Variants in AZIN2 observed in about 807,000 individuals in gnomAD.
AZIN2 encodes antizyme inhibitor 2.
AZIN2 carries 28 observed loss-of-function variants against 47.8 expected under a neutral mutation model. That is an observed-to-expected ratio of 0.59 (90% CI 0.43 to 0.80). The LOEUF (loss-of-function observed/expected upper bound fraction) is 0.80. Ranked by LOEUF, AZIN2 falls within the 30% of genes least tolerant of loss-of-function variation. The pLI, the probability that AZIN2 is intolerant of heterozygous loss-of-function variation, is 0.00. For missense variants in AZIN2, 535 were observed against 582.5 expected (o/e 0.92, Z 0.84); for synonymous variants, 221 against 239.4 (o/e 0.92, Z 0.71).
chr1:33,090,976 C>T (rs1642485767), intron 5 of AZIN2, among the ~76,000 whole-genome samples: 1 of 152,206 alleles, frequency 6.6e-6, no homozygotes, highest in Non-Finnish European at 1.5e-5. Flanking sequence ...GCTTATTTCA[C>T]TTAACATGAT....
At chr1:33,112,006 C>T (rs760319833) in intron 10 of AZIN2, among the ~76,000 whole-genome samples, 16 of 152,118 alleles carry the variant, frequency 1.1e-4, no homozygotes, top group Non-Finnish European at 2.2e-4. Context: ...CCGGGCAATT[C>T]ACAGAAGATA....
At chr1:33,127,699 G>A (rs966345789), downstream of AZIN2, among the ~76,000 whole-genome samples, 6 of 152,234 alleles carry the variant, frequency 3.9e-5, no homozygotes, top group East Asian at 1.2e-3. Context: ...ACTTGTCTCC[G>A]ATGTCCTTCT....
chr1:33,165,391 C>A, the AZIN2 span: 1 of 1,348,258 alleles, frequency 7.4e-7, no homozygotes. This position sits in a 1 kb window ranked among gnomAD's most constrained non-coding sequence, Gnocchi z 4.0. Context: ...GGCCCCGCCC[C>A]TCTTCCCCAG....
At chr1:33,109,296 G>A (rs1644170625) in intron 10 of AZIN2, among the ~76,000 whole-genome samples, 1 of 149,916 alleles carries the variant, frequency 6.7e-6, no homozygotes, top group Non-Finnish European at 1.5e-5. Context: ...CTCCCAGTCT[G>A]TGGCTTGTCT....
the AZIN2 span, among the ~76,000 whole-genome samples, chr1:33,158,008 G>A: frequency 2.0e-5 from 3 of 152,140 alleles, no homozygotes; most frequent in Non-Finnish European, 2.9e-5. Context: ...ACCCACCTCA[G>A]CCTCCCAAAG....
At chr1:33,085,574 G>T (rs2124468596) in intron 5 of AZIN2, among the ~76,000 whole-genome samples, 1 of 152,288 alleles carries the variant, frequency 6.6e-6, no homozygotes, top group Middle Eastern at 3.4e-3. Flanking sequence ...TGGATGTTGT[G>T]AGGAGAGTTC....
intron 5 of AZIN2, among the ~76,000 whole-genome samples, chr1:33,086,973 G>A (rs1641975986): frequency 6.6e-6 from 1 of 152,092 alleles, no homozygotes; most frequent in Non-Finnish European, 1.5e-5. Flanking sequence ...CATCCCCAGT[G>A]AGCACTTACC....
chr1:33,085,342 C>T (rs1641771154), intron 5 of AZIN2, among the ~76,000 whole-genome samples: 1 of 151,894 alleles, frequency 6.6e-6, no homozygotes, highest in Admixed American at 6.6e-5. Flanking sequence ...GAGGATTGTA[C>T]TTTTAGATAG....
intron 11 of AZIN2, 27 bp downstream of exon 11, chr1:33,118,143 G>A: frequency 6.7e-7 from 1 of 1,502,848 alleles, no homozygotes; most frequent in Non-Finnish European, 8.9e-7. Context: ...GGAAAATGGG[G>A]GTATGGGGAG....
intron 5 of AZIN2, among the ~76,000 whole-genome samples, chr1:33,087,340 T>A (rs1642029953): frequency 6.6e-6 from 1 of 150,656 alleles, no homozygotes; most frequent in African/African-American, 2.4e-5. Flanking sequence ...TCCATGTTGG[T>A]CAGGCTGGTC....
At chr1:33,165,646 G>C in the AZIN2 span, 1 of 1,287,294 alleles carries the variant, frequency 7.8e-7, no homozygotes, top group Non-Finnish European at 1.1e-6. This position sits in a 1 kb window ranked among gnomAD's most constrained non-coding sequence, Gnocchi z 4.0. Flanking sequence ...GCCAGGCGCT[G>C]GGGGTTAGCC....
At chr1:33,145,705 A>G in the AZIN2 span, 2 of 359,758 alleles carry the variant, frequency 5.6e-6, no homozygotes, top group South Asian at 2.1e-5. Context: ...TCAGTCTTGC[A>G]GCCCACTCCT....
At chr1:33,151,843 A>G in the AZIN2 span, among the ~76,000 whole-genome samples, 1 of 152,240 alleles carries the variant, frequency 6.6e-6, no homozygotes, top group Non-Finnish European at 1.5e-5. Flanking sequence ...CTGCCCAAGC[A>G]GCGGAGAAAG....
At chr1:33,089,453 T>TA (rs887399562) in intron 5 of AZIN2, among the ~76,000 whole-genome samples, 4 of 151,532 alleles carry the variant, frequency 2.6e-5, no homozygotes, top group Non-Finnish European at 4.4e-5. Context: ...TATATATATT[T>TA]AAAAAAAAAT....
intron 3 of AZIN2, 58 bp from the exon 4 acceptor site, chr1:33,082,120 G>C: frequency 1.3e-6 from 1 of 754,662 alleles, no homozygotes; most frequent in Admixed American, 2.1e-5. Flanking sequence ...CTCGGGAGGC[G>C]AGTGGGGCAG....
rs527645962 is a variant in AZIN2, at chr1:33,101,113, C to T, written c.1029+2934C>T. On this transcript the variant is annotated intron_variant, in intron 10 of 11. Coordinates refer to ENST00000294517, the MANE Select transcript of AZIN2 (RefSeq NM_052998.4). ...CTGACCTCAAGTGATCCATCTGGCTCGGCCTCCCAAAGTGCTGGGATTACA... is the reference window on the plus strand; with the variant it reads ...CTGACCTCAAGTGATCCATCTGGCTTGGCCTCCCAAAGTGCTGGGATTACA... Among the ~76,000 whole-genome samples the T allele has an allele frequency of 2.0e-4, 31 of 152,304 alleles. No homozygotes were observed. The East Asian group carries it at 5.0e-3, about 25-fold the overall frequency.
intron 4 of AZIN2, 30 bp downstream of exon 4, chr1:33,082,384 C>T (rs1322539757): frequency 1.9e-6 from 3 of 1,566,554 alleles, no homozygotes; most frequent in East Asian, 2.3e-5. Context: ...GGTGGGTCCC[C>T]GGTCCCCTGT....
At chr1:33,157,221 G>A in the AZIN2 span, among the ~76,000 whole-genome samples, 1 of 151,980 alleles carries the variant, frequency 6.6e-6, no homozygotes, top group Non-Finnish European at 1.5e-5. Flanking sequence ...TCTTCACCTT[G>A]ACCCTCCTTC....
At chr1:33,155,701 C>A in the AZIN2 span, among the ~76,000 whole-genome samples, 1 of 152,180 alleles carries the variant, frequency 6.6e-6, no homozygotes, top group Non-Finnish European at 1.5e-5. Context: ...AATAACACTT[C>A]CCACTTCTCA....
Sources: allele counts gnomAD v4.1 joint callset (sites outside exome capture counted in the v4.1 genomes callset), GRCh38; gene constraint gnomAD v4.1.1; non-coding constraint Gnocchi (gnomAD v3.1); transcripts MANE v1.5; gene names NCBI Gene and HGNC (gene_info 2026-07-23, HGNC 2026-07-21).